The following GHR variants were observed in gnomAD, a reference collection of about 807,000 sequenced individuals.
GHR encodes GH receptor.
GHR carries 35 observed loss-of-function variants against 67.1 expected under a neutral mutation model. The ratio of observed to expected loss-of-function variants is 0.52; its 90% confidence interval spans 0.40 to 0.69. The LOEUF (loss-of-function observed/expected upper bound fraction) is 0.69. GHR is among the 30% of genes least tolerant of loss of function. The pLI is 0.00. For missense variants in GHR, 792 were observed against 764.6 expected, an observed-to-expected ratio of 1.04 and a Z score of -0.42; for synonymous variants, 272 against 269.1, an observed-to-expected ratio of 1.01 and a Z score of -0.10.
At chr5:42,511,174 T>A (rs1394992954) in intron 1 of GHR, among the ~76,000 whole-genome samples, 1 of 152,212 alleles carries the variant, frequency 6.6e-6, no homozygotes, top group Non-Finnish European at 1.5e-5. Flanking sequence ...GGTCTTTCCC[T>A]GCCTGGAATG....
chr5:42,608,288 A>G (rs1752724586), intron 2 of GHR, among the ~76,000 whole-genome samples: 1 of 152,230 alleles, frequency 6.6e-6, no homozygotes, highest in Non-Finnish European at 1.5e-5. Context: ...ATTTAAAAAT[A>G]AAAAAGAATG....
intron 3 of GHR, among the ~76,000 whole-genome samples, chr5:42,661,283 G>A (rs955729199): frequency 3.3e-5 from 5 of 152,144 alleles, no homozygotes; most frequent in African/African-American, 4.8e-5. Context: ...GAGAAGAGCA[G>A]CTCCAAGACA....
At chr5:42,488,108 T>C (rs769720318) in intron 1 of GHR, among the ~76,000 whole-genome samples, 7 of 152,262 alleles carry the variant, frequency 4.6e-5, no homozygotes, top group Non-Finnish European at 1.0e-4. Context: ...TCAGCCTAGT[T>C]AGCCTGGTTT....
chr5:42,464,452 G>A (rs1391630853), intron 1 of GHR, among the ~76,000 whole-genome samples: 2 of 151,446 alleles, frequency 1.3e-5, no homozygotes, highest in Non-Finnish European at 3.0e-5. Flanking sequence ...GATGCACGGT[G>A]TGAATGAGCT....
chr5:42,431,169 C>T (rs1441673506), intron 1 of GHR, among the ~76,000 whole-genome samples: 1 of 152,074 alleles, frequency 6.6e-6, no homozygotes, highest in Non-Finnish European at 1.5e-5. Context: ...TTTATTCTCT[C>T]ATCATTAATT....
At chr5:42,694,794 A>C in intron 4 of GHR, 123 bp from the exon 5 acceptor site, 2 of 786,780 alleles carry the variant, frequency 2.5e-6, no homozygotes, top group Non-Finnish European at 4.5e-6. Flanking sequence ...ATGTTACTAA[A>C]ATACCTCTTC....
At position 42,426,320 on chromosome 5, in the gene GHR, C is replaced by T. The variant is rs369651887; in HGVS notation, c.-12+2365C>T. Among the ~76,000 whole-genome samples the T allele has an allele frequency of 2.2e-3, 328 of 152,262 alleles. 1 individual carries two copies. Among genetic ancestry groups the T allele is most frequent in the African/African-American group, 7.7e-3 (321 of 41,558 alleles). ...CTTGGCTAGCCTTCTTTGGCTATCT[C>T]CTGGTGAGCAATGTTAATGTAAAGA... On this transcript the variant is annotated intron_variant, in intron 1 of 9. Coordinates refer to ENST00000230882, the MANE Select transcript of GHR (RefSeq NM_000163.5).
At chr5:42,488,838 G>A (rs1304695683) in intron 1 of GHR, among the ~76,000 whole-genome samples, 1 of 152,160 alleles carries the variant, frequency 6.6e-6, no homozygotes, top group Non-Finnish European at 1.5e-5. Flanking sequence ...TACCAAACAT[G>A]TGCATGGATT....
intron 1 of GHR, among the ~76,000 whole-genome samples, chr5:42,448,927 G>C (rs1286121534): frequency 6.6e-6 from 1 of 152,042 alleles, no homozygotes; most frequent in East Asian, 1.9e-4. Context: ...TTGCTTTGTT[G>C]AAGATCAGTT....
intron 1 of GHR, among the ~76,000 whole-genome samples, chr5:42,485,482 G>A (rs556486828): frequency 2.6e-5 from 4 of 152,242 alleles, no homozygotes; most frequent in Admixed American, 1.3e-4. Flanking sequence ...ATGCATGCCA[G>A]ATCCAACTTT....
chr5:42,570,396 GC>G (rs1750223869), intron 2 of GHR, among the ~76,000 whole-genome samples: 2 of 152,200 alleles, frequency 1.3e-5, no homozygotes, highest in African/African-American at 4.8e-5. Context: ...TTGGAGTTCA[GC>G]AGGTCACAGC....
intron 3 of GHR, among the ~76,000 whole-genome samples, chr5:42,686,781 CCT>C (rs1757169756): frequency 6.6e-6 from 1 of 152,154 alleles, no homozygotes; most frequent in Admixed American, 6.5e-5. Context: ...AAAAGAATGC[CCT>C]CTCTCACCAT....
chr5:42,627,327 T>C (rs760751487), intron 2 of GHR, among the ~76,000 whole-genome samples: 1 of 152,244 alleles, frequency 6.6e-6, no homozygotes, highest in Non-Finnish European at 1.5e-5. Flanking sequence ...TTCCCTACTG[T>C]GTCTAGGCGT....
intron 3 of GHR, among the ~76,000 whole-genome samples, chr5:42,683,219 C>G (rs1308627570): frequency 1.3e-4 from 20 of 152,132 alleles, no homozygotes; most frequent in Non-Finnish European, 5.9e-5. Flanking sequence ...TCAGGCTGGT[C>G]TCGATCTCGT....
chr5:42,616,268 G>GA (rs1753141765), intron 2 of GHR, among the ~76,000 whole-genome samples: 2 of 152,030 alleles, frequency 1.3e-5, no homozygotes, highest in Non-Finnish European at 2.9e-5. Context: ...GATTGTTCGG[G>GA]AAAAAGGTGC....
At chr5:42,452,243 T>C (rs1387556266) in intron 1 of GHR, among the ~76,000 whole-genome samples, 1 of 152,214 alleles carries the variant, frequency 6.6e-6, no homozygotes, top group East Asian at 1.9e-4. Flanking sequence ...TCCCTTCTGA[T>C]TGGCAAGGTT....
At position 42,424,760 on chromosome 5, in the gene GHR, G is replaced by A. The variant is rs1318832641; in HGVS notation, c.-12+805G>A. Reference sequence around the variant, plus strand: ...GCGCTGGCGGCGCAGAGGGTGCGGGGCAGGGCACTTGCGAGTGCGTGGGGA... The same window carrying A: ...GCGCTGGCGGCGCAGAGGGTGCGGGACAGGGCACTTGCGAGTGCGTGGGGA... On this transcript the variant is annotated intron_variant, in intron 1 of 9. Transcript: ENST00000230882. This position sits in a 1 kb window ranked among gnomAD's most constrained non-coding sequence, Gnocchi z 4.1. Among the ~76,000 whole-genome samples, 1 of 152,246 alleles carries A rather than the reference G, an allele frequency of 6.6e-6. No homozygotes were observed. Among genetic ancestry groups the A allele is most frequent in the Non-Finnish European group, 1.5e-5 (1 of 68,048 alleles).
chr5:42,698,193 T>A (rs1282979774), intron 5 of GHR, among the ~76,000 whole-genome samples: 1 of 152,156 alleles, frequency 6.6e-6, no homozygotes, highest in Non-Finnish European at 1.5e-5. Context: ...GCATGTAGAT[T>A]TATGTATAGA....
At chr5:42,591,441 G>A (rs544977934) in intron 2 of GHR, among the ~76,000 whole-genome samples, 8 of 152,290 alleles carry the variant, frequency 5.3e-5, no homozygotes, top group African/African-American at 1.9e-4. Context: ...TTAAAAGTAA[G>A]CTAGTTCTTA....
Sources: allele counts gnomAD v4.1 joint callset (sites outside exome capture counted in the v4.1 genomes callset), GRCh38; gene constraint gnomAD v4.1.1; non-coding constraint Gnocchi (gnomAD v3.1); transcripts MANE v1.5; gene names NCBI Gene and HGNC (gene_info 2026-07-23, HGNC 2026-07-21).